FRYL: variants seen among roughly 807,000 people sequenced by gnomAD.
FRYL encodes protein furry homolog-like.
In FRYL, 150 loss-of-function variants were observed where a neutral mutation model predicts 351.2. The observed-to-expected ratio is 0.43, with a 90% CI of 0.37 to 0.49. The LOEUF is 0.49. Among genes scored for constraint, FRYL ranks in the 20% least tolerant of loss-of-function variants. The pLI, the probability that FRYL is intolerant of heterozygous loss-of-function variation, is 0.00. For missense variants in FRYL, 3,036 were observed against 3,619.3 expected, an observed-to-expected ratio of 0.84 and a Z score of 4.13; for synonymous variants, 1,153 against 1,257.1, an observed-to-expected ratio of 0.92 and a Z score of 1.75.
At chr4:48,669,925 T>C (rs557890137) in intron 3 of FRYL, among the ~76,000 whole-genome samples, 2 of 152,054 alleles carry the variant, frequency 1.3e-5, no homozygotes, top group Non-Finnish European at 2.9e-5. Flanking sequence ...CTGTCAATTT[T>C]TTTTTTACAT....
intron 32 of FRYL, among the ~76,000 whole-genome samples, chr4:48,562,475 T>C (rs1322883336): frequency 6.6e-6 from 1 of 152,222 alleles, no homozygotes; most frequent in African/African-American, 2.4e-5. Context: ...AAGTTAACTT[T>C]CTAAGTTATT....
intron 28 of FRYL, among the ~76,000 whole-genome samples, chr4:48,566,051 A>G (rs1736710429): frequency 6.6e-6 from 1 of 152,028 alleles, no homozygotes; most frequent in African/African-American, 2.4e-5. Flanking sequence ...ACACAGACAC[A>G]CCTCTGTATC....
intron 7 of FRYL, among the ~76,000 whole-genome samples, chr4:48,614,901 A>G (rs959979440): frequency 2.4e-5 from 3 of 123,686 alleles, no homozygotes; most frequent in Admixed American, 2.1e-4. Context: ...ATCTCGGCTC[A>G]CTGCAAGCTC....
chr4:48,713,934 G>C (rs1046788784), intron 1 of FRYL, among the ~76,000 whole-genome samples: 5 of 152,150 alleles, frequency 3.3e-5, no homozygotes, highest in African/African-American at 7.2e-5. Context: ...TCAGACCACA[G>C]TGCAATCAAA....
At chr4:48,651,919 G>C (rs1757780665) in intron 3 of FRYL, among the ~76,000 whole-genome samples, 1 of 152,202 alleles carries the variant, frequency 6.6e-6, no homozygotes, top group South Asian at 2.1e-4. Context: ...ACTGAGACTA[G>C]CAATTTCTTT....
chr4:48,700,676 T>C (rs1766629105), intron 2 of FRYL, among the ~76,000 whole-genome samples: 1 of 149,456 alleles, frequency 6.7e-6, no homozygotes, highest in Admixed American at 6.7e-5. Context: ...GTGGTGTGTG[T>C]TTGTAGTCCC....
intron 53 of FRYL, among the ~76,000 whole-genome samples, chr4:48,525,614 A>G (rs1725960053): frequency 2.0e-5 from 3 of 152,228 alleles, no homozygotes; most frequent in Admixed American, 2.0e-4. Context: ...TAAGCTGTAT[A>G]TGAGTTGTAT....
chr4:48,509,201 C>T (rs540853497), intron 59 of FRYL, among the ~76,000 whole-genome samples: 34 of 152,272 alleles, frequency 2.2e-4, no homozygotes, highest in African/African-American at 6.3e-4. Context: ...GAATAATCTT[C>T]GCAATACATA....
intron 2 of FRYL, among the ~76,000 whole-genome samples, chr4:48,689,670 C>T (rs1479071285): frequency 1.3e-5 from 2 of 152,134 alleles, no homozygotes; most frequent in Non-Finnish European, 2.9e-5. Context: ...CCTATCCTTG[C>T]GGAGTTTACA....
intron 26 of FRYL, 118 bp from the exon 27 acceptor site, chr4:48,571,036 T>A: frequency 1.4e-6 from 1 of 697,010 alleles, no homozygotes; most frequent in Non-Finnish European, 2.4e-6. Context: ...TTGTACAGTG[T>A]AGACTGTGGG....
Position 48,702,072 on chromosome 4 carries a change from T to C in FRYL, c.-204+8447A>G, listed in dbSNP as rs147364410. On this transcript the variant is annotated intron_variant, in intron 2 of 63. Transcript: ENST00000358350. Reference sequence around the variant, plus strand: ...TTATACTTGAGACTTCCTTCTTTTATAAGAAATTTGAATGACTGATCCACC... The same window carrying C: ...TTATACTTGAGACTTCCTTCTTTTACAAGAAATTTGAATGACTGATCCACC... Among the ~76,000 whole-genome samples, 28 of 152,308 alleles carry C rather than the reference T, an allele frequency of 1.8e-4. No individual in the cohort carries two copies. The East Asian group carries it at 5.2e-3, about 28-fold the overall frequency.
In FRYL at chr4:48,540,461, A is replaced by C; in HGVS notation, c.6187T>G (p.Phe2063Val). The C allele has an allele frequency of 6.2e-7, 1 of 1,614,070 alleles. No homozygotes were observed. Among genetic ancestry groups the C allele is most frequent in the Non-Finnish European group, 8.5e-7 (1 of 1,179,936 alleles). ...GATGCTGAGGTAAAACCCTTAAGGA[A>C]GAGCTGCTGAAGTCCTGGAAAATTA... The part of the protein sequence containing the change: ...WTNFPGLQQL[F>V]LKGFTSASTQ... Residue 2063 changes from phenylalanine to valine, a missense_variant, in exon 46 of 64, where the codon TTC (phenylalanine) becomes GTC (valine). Phe to Val is a conservative substitution (Grantham distance 50). Coordinates refer to ENST00000358350, the MANE Select transcript of FRYL (RefSeq NM_015030.2).
chr4:48,526,694 C>T lies in FRYL; in HGVS notation c.7317+783G>A, dbSNP rs73814783. Reference sequence around the variant, plus strand: ...ATAAACAGCCAGAAACTTCATTGAGCCATATCTAAATATAAGCTCTAATTC... The same window carrying T: ...ATAAACAGCCAGAAACTTCATTGAGTCATATCTAAATATAAGCTCTAATTC... On this transcript the variant is annotated intron_variant, in intron 53 of 63. Transcript: ENST00000358350. Among the ~76,000 whole-genome samples, 463 of 152,224 alleles carry T rather than the reference C, an allele frequency of 3.0e-3. 1 individual carries two copies. The highest frequency in any genetic ancestry group is 0.011 in the African/African-American group (443 of 41,526).
At chr4:48,607,015 T>C (rs553065748) in intron 9 of FRYL, among the ~76,000 whole-genome samples, 15 of 152,208 alleles carry the variant, frequency 9.9e-5, no homozygotes, top group East Asian at 1.9e-4. Context: ...TTGGAGACTA[T>C]AAATTTGTTC....
At chr4:48,646,509 A>G (rs1415721564) in intron 3 of FRYL, among the ~76,000 whole-genome samples, 1 of 152,214 alleles carries the variant, frequency 6.6e-6, no homozygotes, top group Admixed American at 6.5e-5. Flanking sequence ...ATCACACATC[A>G]ACAGACTAGG....
intron 55 of FRYL, among the ~76,000 whole-genome samples, chr4:48,518,845 CAT>C (rs1179018400): frequency 6.6e-6 from 1 of 152,206 alleles, no homozygotes; most frequent in African/African-American, 2.4e-5. Context: ...TAAGATGAGA[CAT>C]ATTATTTACA....
Position 48,634,497 on chromosome 4 carries a change from G to T in FRYL, c.-80-7C>A. 1 of 1,600,726 alleles carries T rather than the reference G, an allele frequency of 6.2e-7. No individual in the cohort carries two copies. The highest frequency in any genetic ancestry group is 8.5e-7 in the Non-Finnish European group (1 of 1,172,090). On this transcript the variant is annotated splice_polypyrimidine_tract_variant and splice_region_variant and intron_variant, in intron 3 of 63. Coordinates refer to ENST00000358350, the MANE Select transcript of FRYL (RefSeq NM_015030.2). ...TTGCTGACTGGCGCTGAAGCTAAAAGTAAAAGAAACAAAAGAACTCTACTT... is the reference window on the plus strand; with the variant it reads ...TTGCTGACTGGCGCTGAAGCTAAAATTAAAAGAAACAAAAGAACTCTACTT...
At chr4:48,633,777 G>A (rs538426337) in intron 4 of FRYL, among the ~76,000 whole-genome samples, 1 of 152,064 alleles carries the variant, frequency 6.6e-6, no homozygotes, top group African/African-American at 2.4e-5. Flanking sequence ...CCTGAACTAT[G>A]TACAATAACT....
chr4:48,718,887 A>T (rs1769163831), intron 1 of FRYL, among the ~76,000 whole-genome samples: 1 of 150,132 alleles, frequency 6.7e-6, no homozygotes, highest in Non-Finnish European at 1.5e-5. Context: ...TGCTCCATAG[A>T]CTCCTCCCTT....
Sources: gnomAD v4.1 joint callset for allele counts (sites outside exome capture counted in the v4.1 genomes callset) on GRCh38, gnomAD v4.1.1 for gene constraint, MANE v1.5 for transcripts, NCBI Gene and HGNC (gene_info 2026-07-23, HGNC 2026-07-21) for gene names.